PDE4DIP: variants seen among roughly 807,000 people sequenced by gnomAD.
PDE4DIP encodes phosphodiesterase 4D interacting protein.
PDE4DIP carries 59 observed loss-of-function variants against 221.4 expected under a neutral mutation model. The observed-to-expected ratio is 0.27, with a 90% CI of 0.22 to 0.33. PDE4DIP has a LOEUF of 0.33. Among genes scored for constraint, PDE4DIP ranks in the 10% least tolerant of loss-of-function variants. The pLI is 1.00. For missense variants in PDE4DIP, 1,036 were observed against 2,154.2 expected, an observed-to-expected ratio of 0.48 and a Z score of 10.28; for synonymous variants, 404 against 815.9, an observed-to-expected ratio of 0.50 and a Z score of 8.60.
chr1:148,975,175 GATAATA>G (rs1231067000), intron 17 of PDE4DIP, among the ~76,000 whole-genome samples: 4 of 146,482 alleles, frequency 2.7e-5, no homozygotes, highest in South Asian at 2.2e-4. Context: ...CCGCCTCCAA[GATAATA>G]ATAATAATAA....
chr1:148,813,704 C>T (rs1483451041), intron 1 of PDE4DIP, among the ~76,000 whole-genome samples: 13 of 106,508 alleles, frequency 1.2e-4, no homozygotes, highest in African/African-American at 4.9e-4. Flanking sequence ...TGCATTTTTA[C>T]ATTTAGGCCT....
chr1:149,015,839 G>A (rs1778161), intron 32 of PDE4DIP, among the ~76,000 whole-genome samples: 9 of 150,946 alleles, frequency 6.0e-5, no homozygotes, highest in Non-Finnish European at 8.9e-5. Flanking sequence ...AAACTCCAAC[G>A]TGGAACGGAC....
chr1:149,030,747 A>G (rs1575717036), intron 43 of PDE4DIP: 1 of 985,352 alleles, frequency 1.0e-6, no homozygotes, highest in African/African-American at 1.7e-5. Context: ...CAGCAATTTG[A>G]TTTTGCTATA....
chr1:148,927,658 T>C (rs1411192341), intron 1 of PDE4DIP, among the ~76,000 whole-genome samples: 1 of 151,510 alleles, frequency 6.6e-6, no homozygotes, highest in African/African-American at 2.4e-5. Flanking sequence ...TTTCATACTT[T>C]AGCTACTTTA....
chr1:149,029,971 C>T (rs782029872), intron 42 of PDE4DIP, 46 bp downstream of exon 45: 30 of 786,790 alleles, frequency 3.8e-5, no homozygotes, highest in African/African-American at 1.1e-4. Flanking sequence ...GCAGTCTTCC[C>T]GATGCCCCAC....
intron 33 of PDE4DIP, chr1:149,017,536 T>G: frequency 6.5e-6 from 3 of 461,640 alleles, no homozygotes; most frequent in South Asian, 2.4e-5. Flanking sequence ...ATGGAGATTT[T>G]TTAGCAAGTG....
intron 23 of PDE4DIP, among the ~76,000 whole-genome samples, chr1:149,001,107 C>T (rs1304088806): frequency 6.6e-6 from 1 of 152,272 alleles, no homozygotes; most frequent in African/African-American, 2.4e-5. Context: ...TATCTAAGTA[C>T]ATTTTGATTA....
intron 4 of PDE4DIP, among the ~76,000 whole-genome samples, chr1:148,933,684 A>G (rs1393135123): frequency 6.6e-6 from 1 of 152,178 alleles, no homozygotes; most frequent in Non-Finnish European, 1.5e-5. Context: ...GACCAATGTG[A>G]TCTTTCCAAG....
At chr1:148,929,212 G>A (rs782455024) in exon 2 of PDE4DIP, 1 of 1,613,754 alleles carries the variant, frequency 6.2e-7, no homozygotes. Context: ...TGAGCTGAAG[G>A]TTGAAGTGGA....
At chr1:149,028,760 G>A (rs2075900187) in intron 41 of PDE4DIP, 57 bp downstream of exon 44, 3 of 968,056 alleles carry the variant, frequency 3.1e-6, no homozygotes, top group Non-Finnish European at 4.8e-6. Flanking sequence ...CTCCAATACT[G>A]TTCTGTCTCC....
At chr1:148,953,482 G>C (rs782589537) in intron 5 of PDE4DIP, 1 of 1,608,800 alleles carries the variant, frequency 6.2e-7, no homozygotes, top group Non-Finnish European at 8.5e-7. Flanking sequence ...AAAGCATGGA[G>C]GAAGAGACGC....
At chr1:148,960,493 A>G (rs1159703549) in intron 5 of PDE4DIP, among the ~76,000 whole-genome samples, 161 bp from the exon 9 acceptor site, 1 of 107,408 alleles carries the variant, frequency 9.3e-6, no homozygotes, top group Non-Finnish European at 1.9e-5. Flanking sequence ...TGTTCTTAAT[A>G]AGGAACAGAC....
chr1:148,997,977 C>T (rs1219441137), intron 22 of PDE4DIP, among the ~76,000 whole-genome samples, 166 bp from the exon 26 acceptor site: 1 of 152,068 alleles, frequency 6.6e-6, no homozygotes, highest in Admixed American at 6.5e-5. Context: ...CCAAACCAGT[C>T]CCCAGGGCCC....
At chr1:148,973,430 G>A (rs1409772103) in intron 16 of PDE4DIP, among the ~76,000 whole-genome samples, 4 of 151,050 alleles carry the variant, frequency 2.6e-5, no homozygotes, top group East Asian at 2.0e-4. Context: ...GCGCCCAGCC[G>A]CTTCTAGGCC....
At chr1:148,956,155 A>G (rs1370115756) in intron 5 of PDE4DIP, among the ~76,000 whole-genome samples, 2 of 152,134 alleles carry the variant, frequency 1.3e-5, no homozygotes, top group South Asian at 2.1e-4. Context: ...TTTTTTTGGT[A>G]GTTCTCTTTT....
intron 14 of PDE4DIP, among the ~76,000 whole-genome samples, chr1:148,969,988 G>A (rs1432078549): frequency 6.6e-6 from 1 of 152,186 alleles, no homozygotes; most frequent in African/African-American, 2.4e-5. Context: ...TTACAGGCGT[G>A]AGCCACCATG....
At chr1:148,940,836 T>C (rs1256997625) in intron 5 of PDE4DIP, among the ~76,000 whole-genome samples, 28 of 151,824 alleles carry the variant, frequency 1.8e-4, no homozygotes, top group African/African-American at 6.5e-4. Context: ...ATTTACATAG[T>C]AGTTTAATTC....
chr1:149,020,960 C>G, intron 36 of PDE4DIP, 69 bp from the exon 40 acceptor site: 2 of 1,116,832 alleles, frequency 1.8e-6, no homozygotes, highest in African/African-American at 1.5e-5. Context: ...ACATCTGGCT[C>G]TCAGCCTGTT....
intron 1 of PDE4DIP, among the ~76,000 whole-genome samples, chr1:148,919,834 GA>G (rs1344300250): frequency 6.7e-6 from 1 of 149,406 alleles, no homozygotes; most frequent in African/African-American, 2.5e-5. Context: ...AATTGATTAG[GA>G]TGGGATTTGG....
Sources: allele counts gnomAD v4.1 joint callset (sites outside exome capture counted in the v4.1 genomes callset), GRCh38; gene constraint gnomAD v4.1.1; transcripts MANE v1.5; gene names NCBI Gene and HGNC (gene_info 2026-07-23, HGNC 2026-07-21).